The following SLC6A3 variants were observed in gnomAD, a reference collection of about 807,000 sequenced individuals.
SLC6A3 encodes sodium-dependent dopamine transporter.
SLC6A3 carries 19 observed loss-of-function variants against 70.4 expected under a neutral mutation model. The ratio of observed to expected loss-of-function variants is 0.27; its 90% confidence interval spans 0.19 to 0.40. The LOEUF (loss-of-function observed/expected upper bound fraction) is 0.40. SLC6A3 is among the 10% of genes least tolerant of loss of function. SLC6A3 has a pLI of 1.00. For synonymous variants in SLC6A3, 368 were observed against 356.6 expected, an observed-to-expected ratio of 1.03 and a Z score of -0.36; for missense variants, 613 against 838.5, an observed-to-expected ratio of 0.73 and a Z score of 3.32.
intron 4 of SLC6A3, among the ~76,000 whole-genome samples, chr5:1,430,315 C>G (rs1195927426): frequency 6.6e-6 from 1 of 152,216 alleles, no homozygotes; most frequent in East Asian, 1.9e-4. Flanking sequence ...ACGCTCACCC[C>G]ACGCGACCCA....
intron 8 of SLC6A3, among the ~76,000 whole-genome samples, chr5:1,412,796 G>A (rs536547375): frequency 6.6e-6 from 1 of 152,352 alleles, no homozygotes; most frequent in South Asian, 2.1e-4. Context: ...AAAGGCCAGA[G>A]CCAGGGGCCG....
chr5:1,430,719 G>T (rs409588), intron 4 of SLC6A3, among the ~76,000 whole-genome samples: 46,521 of 151,390 alleles, frequency 0.31, 8,003 homozygotes, highest in East Asian at 0.52. Flanking sequence ...TGTGCGCCCC[G>T]AAGGTGCCCT....
At chr5:1,428,239 A>C (rs1756615686) in intron 4 of SLC6A3, among the ~76,000 whole-genome samples, 1 of 152,238 alleles carries the variant, frequency 6.6e-6, no homozygotes, top group African/African-American at 2.4e-5. Context: ...AACTTCTAAA[A>C]ATGCCCTGTT....
Position 1,438,887 on chromosome 5 carries a change from C to T in SLC6A3, c.418+2472G>A, listed in dbSNP as rs748359482. Among the ~76,000 whole-genome samples, 29 of 152,320 alleles carry T rather than the reference C, an allele frequency of 1.9e-4. 1 individual carries two copies. Among genetic ancestry groups the T allele is most frequent in the Middle Eastern group, 6.8e-3 (2 of 294 alleles). On this transcript the variant is annotated intron_variant, in intron 3 of 14. Coordinates refer to ENST00000270349, the MANE Select transcript of SLC6A3 (RefSeq NM_001044.5). This position sits in a 1 kb window ranked among gnomAD's most constrained non-coding sequence, Gnocchi z 6.5. ...CTCAGTTTCCCCTACCCCAGTGGGCCGGCTTCATCTCTGACTCAGCATCCC... is the reference window on the plus strand; with the variant it reads ...CTCAGTTTCCCCTACCCCAGTGGGCTGGCTTCATCTCTGACTCAGCATCCC...
rs28363097 is a variant in SLC6A3 at position 1,410,910 on chromosome 5, G to A, written c.1269+333C>T. ...TGTGCATGCATGTGCATGGTGGTGT[G>A]AATGTGTGTGTTCGTGTATGTGTGT... On this transcript the variant is annotated intron_variant, in intron 9 of 14. Transcript: ENST00000270349. 9.4e-3 allele frequency among the ~76,000 whole-genome samples: 1,431 copies of A among 152,218 alleles called. 23 individuals are homozygous for A. Among genetic ancestry groups the A allele is most frequent in the African/African-American group, 0.03 (1,239 of 41,522 alleles).
Position 1,402,813 on chromosome 5 carries a change from C to T in SLC6A3, c.1767+109G>A, listed in dbSNP as rs1295522315. The stretch of plus-strand genomic sequence containing the variant: ...TTGTGGTGGCCACCTCCAGTCTCCT[C>T]CTCTTGGTCACAGATGACCCAGGCA... On this transcript the variant is annotated intron_variant, in intron 13 of 14. Transcript: ENST00000270349. This position sits in a 1 kb window ranked among gnomAD's most constrained non-coding sequence, Gnocchi z 8.5. The T allele has an allele frequency of 1.1e-5, 13 of 1,153,968 alleles. No homozygotes were observed. The highest frequency in any genetic ancestry group is 5.2e-5 in the South Asian group (4 of 76,594). 71.5% of individuals were successfully genotyped at this position (1,153,968 alleles called of 1,614,324 possible).
At chr5:1,435,337 T>G (rs928124505) in intron 3 of SLC6A3, among the ~76,000 whole-genome samples, 1 of 152,220 alleles carries the variant, frequency 6.6e-6, no homozygotes, top group African/African-American at 2.4e-5. Context: ...ATGCCCAATT[T>G]GAAAATTTTT....
Position 1,414,686 on chromosome 5 carries a change from C to T in SLC6A3, c.1156+5G>A. 6.2e-7 allele frequency: 1 copy of T among 1,612,156 alleles called. No individual in the cohort carries two copies. Among genetic ancestry groups the T allele is most frequent in the Non-Finnish European group, 8.5e-7 (1 of 1,179,636 alleles). ...GCAGGCCCAGGTGCAGCAGGAGGGG[C>T]TCACCGTCCTTGGCCACGTCCCCGA... On this transcript the variant is annotated splice_donor_5th_base_variant and intron_variant, in intron 8 of 14. Transcript: ENST00000270349.
At chr5:1,414,900 T>G in intron 7 of SLC6A3, 85 bp from the exon 8 acceptor site, 1 of 1,574,100 alleles carries the variant, frequency 6.4e-7, no homozygotes. Flanking sequence ...ATTTACTGTG[T>G]CTGGGGAAGG....
chr5:1,426,533 T>A (rs970879706), intron 4 of SLC6A3, among the ~76,000 whole-genome samples: 1 of 152,082 alleles, frequency 6.6e-6, no homozygotes. Context: ...CAGAGTGAGA[T>A]CCTGTCTCTA....
chr5:1,434,911 G>C (rs924606824), intron 3 of SLC6A3, among the ~76,000 whole-genome samples: 6 of 152,204 alleles, frequency 3.9e-5, no homozygotes, highest in Non-Finnish European at 7.3e-5. Flanking sequence ...CTAAGATCAG[G>C]AGTGCGGGTA....
At position 1,411,446 on chromosome 5, in the gene SLC6A3, C is replaced by G; in HGVS notation, c.1157-91G>C. ...CCCCGCCCCGAGAAGCATGGCCTGC[C>G]ACAGGCCTGTAGAGACTAGGGCTGG... On this transcript the variant is annotated intron_variant, in intron 8 of 14. Coordinates refer to ENST00000270349, the MANE Select transcript of SLC6A3 (RefSeq NM_001044.5). This position sits in a 1 kb window ranked among gnomAD's most constrained non-coding sequence, Gnocchi z 6.5. 5 of 939,056 alleles carry G rather than the reference C, an allele frequency of 5.3e-6. No individual in the cohort carries two copies. The highest frequency in any genetic ancestry group is 8.4e-6 in the Non-Finnish European group (5 of 593,246). The allele number at this position is 939,056 out of a possible 1,614,324, so 58.2% of individuals were successfully genotyped here. A position where few individuals can be genotyped will look rare whatever the true frequency, so the allele number is the denominator to read the frequency against.
At chr5:1,433,889 A>G (rs371409327) in intron 3 of SLC6A3, among the ~76,000 whole-genome samples, 2 of 144,066 alleles carry the variant, frequency 1.4e-5, no homozygotes, top group Non-Finnish European at 3.0e-5. Context: ...TCCCACATCC[A>G]CCCGGCCATC....
chr5:1,409,574 C>G, intron 10 of SLC6A3, 147 bp downstream of exon 10: 2 of 919,548 alleles, frequency 2.2e-6, no homozygotes, highest in Non-Finnish European at 3.5e-6. Flanking sequence ...CTGTGCACTG[C>G]TACGAGTCAT....
In SLC6A3 at chr5:1,402,829, G is replaced by A; in HGVS notation, c.1767+93C>T. ...CAGTCTCCTCCTCTTGGTCACAGATGACCCAGGCAGGTGAGGACTGGGGCC... is the reference window on the plus strand; with the variant it reads ...CAGTCTCCTCCTCTTGGTCACAGATAACCCAGGCAGGTGAGGACTGGGGCC... On this transcript the variant is annotated intron_variant, in intron 13 of 14. Coordinates refer to ENST00000270349, the MANE Select transcript of SLC6A3 (RefSeq NM_001044.5). This position sits in a 1 kb window ranked among gnomAD's most constrained non-coding sequence, Gnocchi z 8.5. 7.7e-7 allele frequency: 1 copy of A among 1,294,652 alleles called. No individual in the cohort carries two copies. The highest frequency in any genetic ancestry group is 1.2e-5 in the South Asian group (1 of 80,036). The allele number at this position is 1,294,652 out of a possible 1,614,324, so 80.2% of individuals were successfully genotyped here.
At chr5:1,422,194 G>A (rs540249721) in intron 4 of SLC6A3, among the ~76,000 whole-genome samples, 180 bp from the exon 5 acceptor site, 33 of 152,324 alleles carry the variant, frequency 2.2e-4, no homozygotes, top group African/African-American at 7.9e-4. Flanking sequence ...GAGGTGTCAG[G>A]GCCGCCCTTG....
chr5:1,415,175 C>T (rs532531513), intron 7 of SLC6A3, among the ~76,000 whole-genome samples: 90 of 152,048 alleles, frequency 5.9e-4, no homozygotes, highest in African/African-American at 2.1e-3. Context: ...CCTGACTGGG[C>T]GGGTCTCATG....
chr5:1,429,583 A>G (rs1372474497), intron 4 of SLC6A3, among the ~76,000 whole-genome samples: 3 of 152,320 alleles, frequency 2.0e-5, no homozygotes, highest in African/African-American at 7.2e-5. Flanking sequence ...TTCCTCTCCA[A>G]TTCTGTTATC....
At chr5:1,434,440 A>G (rs1756782596) in intron 3 of SLC6A3, among the ~76,000 whole-genome samples, 1 of 152,198 alleles carries the variant, frequency 6.6e-6, no homozygotes, top group Admixed American at 6.5e-5. Flanking sequence ...GGGATCCATC[A>G]TTTATGGGGT....
Sources: allele counts gnomAD v4.1 joint callset (sites outside exome capture counted in the v4.1 genomes callset), GRCh38; gene constraint gnomAD v4.1.1; non-coding constraint Gnocchi (gnomAD v3.1); transcripts MANE v1.5; gene names NCBI Gene and HGNC (gene_info 2026-07-23, HGNC 2026-07-21).